Variants in CPNE4 observed in about 807,000 individuals in gnomAD.
CPNE4 encodes the protein copine 4, also known as copine-4.
A neutral mutation model predicts 67.9 loss-of-function variants in CPNE4; 25 were observed. The observed-to-expected ratio is 0.37, with a 90% CI of 0.27 to 0.51. CPNE4 has a LOEUF of 0.51. CPNE4 is among the 20% of genes least tolerant of loss of function. The probability of loss-of-function intolerance (pLI) is 0.93; values close to 1 mark genes in which losing one functional copy is unlikely to be tolerated. For synonymous variants in CPNE4, 242 were observed against 244.9 expected (o/e 0.99, Z 0.11); for missense variants, 464 against 690.8 (o/e 0.67, Z 3.68).
At chr3:131,816,538 G>T (rs6792114) in intron 2 of CPNE4, among the ~76,000 whole-genome samples, 42,426 of 151,884 alleles carry the variant, frequency 0.28, 6,128 homozygotes, top group African/African-American at 0.34. Context: ...AGTTAGATTC[G>T]AATCCCCACC....
chr3:131,954,721 C>T (rs568067066), intron 1 of CPNE4, among the ~76,000 whole-genome samples: 1 of 152,272 alleles, frequency 6.6e-6, no homozygotes, highest in South Asian at 2.1e-4. Context: ...GTTTAATTCC[C>T]ACCTATGGGT....
intron 7 of CPNE4, among the ~76,000 whole-genome samples, chr3:131,601,114 T>C (rs965953542): frequency 2.0e-5 from 3 of 152,146 alleles, no homozygotes; most frequent in Non-Finnish European, 4.4e-5. Context: ...CTCGGGGTCA[T>C]TCAGAATTCA....
intron 2 of CPNE4, among the ~76,000 whole-genome samples, chr3:131,792,639 GTATATA>G (rs1439763323): frequency 1.4e-3 from 109 of 78,810 alleles, no homozygotes; most frequent in East Asian, 5.4e-3. Context: ...ATACACACGT[GTATATA>G]TGTATATATA....
intron 1 of CPNE4, among the ~76,000 whole-genome samples, chr3:132,032,156 A>G (rs1338456579): frequency 6.6e-6 from 1 of 152,226 alleles, no homozygotes; most frequent in Non-Finnish European, 1.5e-5. Context: ...ATTTCTTTTT[A>G]CACTTAAGAA....
At position 131,824,343 on chromosome 3, in the gene CPNE4, A is replaced by G. The variant is rs180722420; in HGVS notation, c.180+80921T>C. 1.8e-4 allele frequency among the ~76,000 whole-genome samples: 28 copies of G among 152,340 alleles called. 1 individual carries two copies. Among genetic ancestry groups the G allele is most frequent in the African/African-American group, 6.5e-4 (27 of 41,586 alleles). On this transcript the variant is annotated intron_variant, in intron 2 of 15. Coordinates refer to ENST00000429747, the MANE Select transcript of CPNE4 (RefSeq NM_130808.3). ...TTAAAAAGAAATACAGAACTCAAAG[A>G]TTAAAAAAGAACTATCCATATCTAA...
chr3:131,886,499 C>T lies in CPNE4; in HGVS notation c.180+18765G>A, dbSNP rs768411268. On this transcript the variant is annotated intron_variant, in intron 2 of 15. Coordinates refer to ENST00000429747, the MANE Select transcript of CPNE4 (RefSeq NM_130808.3). ...CCACACAGAGTCCCTACTGGGGCAT[C>T]GCCAGAGGAGCTGTGAGAAGAGGGC... Among the ~76,000 whole-genome samples the T allele has an allele frequency of 2.1e-4, 32 of 152,284 alleles. No homozygotes were observed. In the Middle Eastern group the frequency reaches 0.01, roughly 49 times the overall value.
Position 131,639,122 on chromosome 3 carries a change from C to T in CPNE4, c.681+30553G>A, listed in dbSNP as rs1373835442. On this transcript the variant is annotated intron_variant, in intron 7 of 15. Transcript: ENST00000429747. The stretch of plus-strand genomic sequence containing the variant: ...ATGGAACTGGAGAAACAAGAACAAT[C>T]GAAATCCAAACCCAGCAGAAGATAA... Among the ~76,000 whole-genome samples, 17 of 151,898 alleles carry T rather than the reference C, an allele frequency of 1.1e-4. No homozygotes were observed. The South Asian group carries it at 2.7e-3, about 24-fold the overall frequency.
chr3:131,543,420 C>T (rs1179317358), intron 14 of CPNE4, among the ~76,000 whole-genome samples: 1 of 152,060 alleles, frequency 6.6e-6, no homozygotes, highest in African/African-American at 2.4e-5. Flanking sequence ...TTCTTTGTAA[C>T]TGTCAGTGAG....
intron 15 of CPNE4, among the ~76,000 whole-genome samples, chr3:131,538,596 CTG>C (rs1307408849): frequency 3.3e-5 from 5 of 152,248 alleles, no homozygotes; most frequent in Admixed American, 3.3e-4. Context: ...AGATGAAAGT[CTG>C]TGGCATGGAA....
At chr3:131,978,243 T>TTATATATTTTATATATA (rs1212974074) in intron 1 of CPNE4, among the ~76,000 whole-genome samples, 1 of 15,500 alleles carries the variant, frequency 6.5e-5, no homozygotes, top group African/African-American at 4.1e-4. Context: ...TTATATATAT[T>TTATATATTTTATATATA]TATATAAATA....
At chr3:131,897,573 T>C (rs893954779) in intron 2 of CPNE4, among the ~76,000 whole-genome samples, 4 of 151,912 alleles carry the variant, frequency 2.6e-5, no homozygotes, top group Non-Finnish European at 5.9e-5. Context: ...TATATACAAT[T>C]TTTTTTGTCT....
intron 1 of CPNE4, among the ~76,000 whole-genome samples, chr3:131,983,819 A>C (rs952088929): frequency 1.3e-5 from 2 of 152,224 alleles, no homozygotes; most frequent in East Asian, 3.8e-4. Flanking sequence ...CACTATATCC[A>C]TCGAAGACAA....
In CPNE4 at chr3:131,923,790, C is replaced by T. The variant is rs563393467; in HGVS notation, c.-1-18346G>A. Among the ~76,000 whole-genome samples the T allele has an allele frequency of 1.4e-4, 21 of 150,086 alleles. No homozygotes were observed. In the East Asian group the frequency reaches 3.7e-3, roughly 27 times the overall value. ...AAAGAGGGGTCTGGGGTAAAAGATGCCTCATGTGGGCTAGTGGCTCATGTC... is the reference window on the plus strand; with the variant it reads ...AAAGAGGGGTCTGGGGTAAAAGATGTCTCATGTGGGCTAGTGGCTCATGTC... On this transcript the variant is annotated intron_variant, in intron 1 of 15. Transcript: ENST00000429747.
intron 1 of CPNE4, among the ~76,000 whole-genome samples, chr3:131,952,714 C>T (rs1219824024): frequency 1.3e-5 from 2 of 152,014 alleles, no homozygotes; most frequent in African/African-American, 2.4e-5. Flanking sequence ...AGCCCCTCTG[C>T]CCGGCCACCA....
At chr3:131,647,216 A>G (rs996397765) in intron 7 of CPNE4, among the ~76,000 whole-genome samples, 2 of 152,230 alleles carry the variant, frequency 1.3e-5, no homozygotes, top group African/African-American at 2.4e-5. Flanking sequence ...CCTGATTGTC[A>G]TCTTTTAAGC....
intron 2 of CPNE4, among the ~76,000 whole-genome samples, chr3:131,804,750 G>A (rs918634065): frequency 2.6e-5 from 4 of 152,226 alleles, no homozygotes; most frequent in African/African-American, 9.6e-5. Flanking sequence ...TCTTTCTCTT[G>A]GAACTATTCC....
At chr3:131,535,968 C>A (rs1935121769) in intron 15 of CPNE4, among the ~76,000 whole-genome samples, 1 of 152,100 alleles carries the variant, frequency 6.6e-6, no homozygotes, top group Non-Finnish European at 1.5e-5. Flanking sequence ...TTGGAGGCTT[C>A]TAAGAGGAGG....
rs569242677 is a variant in CPNE4 at position 131,623,380 on chromosome 3, C to T, written c.682-35798G>A. ...AACAATTTTAAATGTTCTATCTCCC[C>T]TCCCTCCTCAAAAATAAAAAAATCT... On this transcript the variant is annotated intron_variant, in intron 7 of 15. Transcript: ENST00000429747. Among the ~76,000 whole-genome samples, 4 of 152,234 alleles carry T rather than the reference C, an allele frequency of 2.6e-5. No individual in the cohort carries two copies. In the South Asian group the frequency reaches 8.3e-4, roughly 32 times the overall value.
chr3:132,031,808 T>C (rs1305461465), intron 1 of CPNE4, among the ~76,000 whole-genome samples: 1 of 152,212 alleles, frequency 6.6e-6, no homozygotes, highest in Non-Finnish European at 1.5e-5. Flanking sequence ...TTAACCCATT[T>C]TTTTTGGTCT....
Sources: allele counts gnomAD v4.1 joint callset (sites outside exome capture counted in the v4.1 genomes callset), GRCh38; gene constraint gnomAD v4.1.1; transcripts MANE v1.5; gene names NCBI Gene and HGNC (gene_info 2026-07-23, HGNC 2026-07-21).